Variants in ALPK1 observed in about 807,000 individuals in gnomAD.
ALPK1 encodes alpha-protein kinase 1.
Under a neutral mutation model 120.6 loss-of-function variants are expected in ALPK1, and 110 were observed. The ratio of observed to expected loss-of-function variants is 0.91; its 90% CI spans 0.78 to 1.07. ALPK1 has a LOEUF of 1.07. Ranked by LOEUF, ALPK1 falls within the 50% of genes least tolerant of loss-of-function variation. ALPK1 has a pLI of 0.00. For missense variants in ALPK1, 1,498 were observed against 1,483.9 expected (o/e 1.01, Z -0.16); for synonymous variants, 582 against 560.3 (o/e 1.04, Z -0.55).
At chr4:112,303,671 T>A (rs1362019954) in intron 1 of ALPK1, among the ~76,000 whole-genome samples, 3 of 152,118 alleles carry the variant, frequency 2.0e-5, no homozygotes, top group Non-Finnish European at 2.9e-5. Flanking sequence ...CACATATCTT[T>A]ATAGCCTTCT....
In ALPK1 at chr4:112,430,858, C is replaced by G. The variant is rs145906942; in HGVS notation, c.1311C>G (p.Phe437Leu). Residue 437 changes from phenylalanine to leucine, a missense_variant, in exon 11 of 16, where the codon TTC becomes TTG. Coordinates refer to ENST00000650871, the MANE Select transcript of ALPK1 (RefSeq NM_025144.4). Reference sequence around the variant, plus strand: ...ACAGATCTTATGTTCCCGAGAGTTTCGAGTGCAGGTTGGATAAACTTATCT... The same window carrying G: ...ACAGATCTTATGTTCCCGAGAGTTTGGAGTGCAGGTTGGATAAACTTATCT... ...VDDRSYVPES[F>L]ECRLDKLILH... 312 of 1,613,928 alleles carry G rather than the reference C, an allele frequency of 1.9e-4. No homozygotes were observed. Among genetic ancestry groups the G allele is most frequent in the Non-Finnish European group, 2.4e-4 (283 of 1,179,950 alleles).
intron 5 of ALPK1, among the ~76,000 whole-genome samples, chr4:112,423,205 A>G (rs1018350646): frequency 3.3e-5 from 5 of 152,230 alleles, no homozygotes; most frequent in African/African-American, 1.2e-4. Flanking sequence ...GAAGAGAGGA[A>G]GCCTTGCAGA....
At chr4:112,436,732 T>C (rs1383562083) in intron 12 of ALPK1, among the ~76,000 whole-genome samples, 3 of 152,184 alleles carry the variant, frequency 2.0e-5, no homozygotes, top group Non-Finnish European at 4.4e-5. Context: ...TGGACTACTA[T>C]AGGCTTCAGA....
rs1408918150 is a variant in ALPK1, at chr4:112,430,720, T to C, written c.1173T>C (p.Asn391=). ...LCKEAMGKLY[N]FSTSSRSQDR... ...AGGAAGCAATGGGGAAGCTGTACAA[T>C]TTCAGCACTTCCTCCAGAAGTCAGG... The change falls in exon 11 of 16, where the codon AAT becomes AAC. Residue 391 remains asparagine, a synonymous_variant. Transcript: ENST00000650871. The C allele has an allele frequency of 6.2e-7, 1 of 1,614,202 alleles. No homozygotes were observed. Among genetic ancestry groups the C allele is most frequent in the Admixed American group, 1.7e-5 (1 of 60,032 alleles).
chr4:112,382,277 A>C, intron 3 of ALPK1, 121 bp from the exon 4 acceptor site: 1 of 1,182,412 alleles, frequency 8.5e-7, no homozygotes, highest in Non-Finnish European at 1.2e-6. Flanking sequence ...GAGGCAGGGA[A>C]AAGGTTTTTC....
At chr4:112,394,528 A>G (rs947713002) in intron 4 of ALPK1, among the ~76,000 whole-genome samples, 4 of 152,174 alleles carry the variant, frequency 2.6e-5, no homozygotes, top group Non-Finnish European at 4.4e-5. Context: ...AGGCCTATGT[A>G]TTTTCAGACT....
chr4:112,297,713 A>G lies in ALPK1; in HGVS notation c.-153+244A>G, dbSNP rs1028348729. Among the ~76,000 whole-genome samples the G allele has an allele frequency of 3.9e-5, 6 of 152,240 alleles. 1 individual carries two copies. The Middle Eastern group carries it at 0.017, about 434-fold the overall frequency. ...GAAGGGAAAAGTTACCTACAATGGT[A>G]AACTGTAGTCATTATGAAGGGGAGA... On this transcript the variant is annotated intron_variant, in intron 1 of 15. Coordinates refer to ENST00000650871, the MANE Select transcript of ALPK1 (RefSeq NM_025144.4).
chr4:112,360,084 A>G (rs896662439), intron 2 of ALPK1, among the ~76,000 whole-genome samples: 1 of 152,082 alleles, frequency 6.6e-6, no homozygotes, highest in Non-Finnish European at 1.5e-5. Flanking sequence ...CCCTGACCCC[A>G]TCCCTGCATC....
chr4:112,306,434 A>G (rs975670433), intron 1 of ALPK1, among the ~76,000 whole-genome samples: 31 of 152,078 alleles, frequency 2.0e-4, no homozygotes, highest in Non-Finnish European at 3.4e-4. Context: ...AGAGCCTGTT[A>G]TTGGTCAATT....
intron 2 of ALPK1, chr4:112,356,832 G>T: frequency 1.4e-6 from 1 of 727,018 alleles, no homozygotes. Flanking sequence ...GCCAAGAGCC[G>T]CAGAGCACAC....
intron 7 of ALPK1, chr4:112,426,000 C>T (rs1734218160): frequency 3.1e-6 from 1 of 326,616 alleles, no homozygotes; most frequent in South Asian, 4.1e-5. Context: ...CTGTAGGGTT[C>T]CCAGTGTTAT....
In ALPK1 at chr4:112,416,563, T is replaced by C. The variant is rs150155431; in HGVS notation, c.475+4538T>C. 1.4e-4 allele frequency among the ~76,000 whole-genome samples: 21 copies of C among 151,516 alleles called. No individual in the cohort carries two copies. The East Asian group carries it at 3.9e-3, about 28-fold the overall frequency. ...AAATTATGTCTTTACACTGAAGGAG[T>C]ATATCTAGCCTTGGGCAAAAAAGTT... is the stretch of plus-strand genomic sequence containing the variant. On this transcript the variant is annotated intron_variant, in intron 5 of 15. Coordinates refer to ENST00000650871, the MANE Select transcript of ALPK1 (RefSeq NM_025144.4).
intron 4 of ALPK1, among the ~76,000 whole-genome samples, chr4:112,388,687 G>A (rs1732263799): frequency 1.3e-5 from 2 of 151,270 alleles, no homozygotes; most frequent in East Asian, 1.9e-4. Context: ...AAACTTTACT[G>A]GGTGTCAGCA....
intron 14 of ALPK1, 73 bp from the exon 15 acceptor site, chr4:112,440,837 GTGTGTGT>G: frequency 6.6e-7 from 1 of 1,523,372 alleles, no homozygotes; most frequent in Non-Finnish European, 8.8e-7. Flanking sequence ...GTGTGTGTGT[GTGTGTGT>G]ATGTATTTTT....
intron 2 of ALPK1, chr4:112,359,865 G>T: frequency 3.2e-6 from 1 of 314,424 alleles, no homozygotes. Context: ...TTGATCACCT[G>T]CCTGTCCAGC....
rs1732017196 is a variant in ALPK1 at position 112,383,518 on chromosome 4, C to T, written c.276+966C>T. ...AGACTTAATAGAAACAGTAAAACCC[C>T]AGCTCTCTCATCCTCCTAAAAAACA... is the stretch of plus-strand genomic sequence containing the variant. On this transcript the variant is annotated intron_variant, in intron 4 of 15. Coordinates refer to ENST00000650871, the MANE Select transcript of ALPK1 (RefSeq NM_025144.4). The T allele has an allele frequency of 1.3e-5, 2 of 152,094 alleles. 1 individual carries two copies. Among genetic ancestry groups the T allele is most frequent in the South Asian group, 4.1e-4 (2 of 4,826 alleles). 9.4% of individuals were successfully genotyped at this position (152,094 alleles called of 1,614,324 possible).
chr4:112,429,321 G>A (rs1734421511), intron 10 of ALPK1, 68 bp downstream of exon 10: 5 of 1,241,276 alleles, frequency 4.0e-6, no homozygotes, highest in Non-Finnish European at 5.7e-6. Context: ...GATGTAACCA[G>A]TGAGAAGGGA....
intron 4 of ALPK1, among the ~76,000 whole-genome samples, chr4:112,405,837 T>C (rs1016646163): frequency 2.6e-5 from 4 of 152,094 alleles, no homozygotes; most frequent in African/African-American, 9.7e-5. Context: ...GGCCTCCTAA[T>C]GTGCTGGGAT....
intron 4 of ALPK1, among the ~76,000 whole-genome samples, chr4:112,407,646 T>C (rs776307317): frequency 6.6e-6 from 1 of 152,212 alleles, no homozygotes; most frequent in South Asian, 2.1e-4. Flanking sequence ...TTAAATGTCA[T>C]AGTGTGTGTG....
Sources: gnomAD v4.1 joint callset for allele counts (sites outside exome capture counted in the v4.1 genomes callset) on GRCh38, gnomAD v4.1.1 for gene constraint, MANE v1.5 for transcripts, NCBI Gene and HGNC (gene_info 2026-07-23, HGNC 2026-07-21) for gene names.